The following ASCC2 variants were observed in gnomAD, a reference collection of about 807,000 sequenced individuals.
ASCC2 encodes ASC-1 complex subunit P100.
ASCC2 carries 42 observed loss-of-function variants against 93.5 expected under a neutral mutation model. The ratio of observed to expected loss-of-function variants is 0.45; its 90% CI spans 0.35 to 0.58. The LOEUF (loss-of-function observed/expected upper bound fraction) is 0.58. Ranked by LOEUF, ASCC2 falls within the 20% of genes least tolerant of loss-of-function variation. ASCC2 has a pLI of 0.00. For missense variants in ASCC2, 859 were observed against 977.6 expected (o/e 0.88, Z 1.62); for synonymous variants, 364 against 384.2 (o/e 0.95, Z 0.62).
intron 2 of ASCC2, among the ~76,000 whole-genome samples, chr22:29,827,873 AC>A (rs2062622172): frequency 1.5e-5 from 2 of 136,018 alleles, no homozygotes; most frequent in African/African-American, 5.7e-5. Flanking sequence ...ACACACACAC[AC>A]ACACACCAGG....
Position 29,806,800 on chromosome 22 carries a change from C to A in ASCC2, c.1013G>T (p.Ser338Ile), listed in dbSNP as rs968921711. The change falls in exon 10 of 20, where the codon AGC (serine) becomes ATC (isoleucine). Residue 338 changes from serine to isoleucine, a missense_variant. By Grantham distance (142) the Ser-to-Ile change is moderately radical (BLOSUM62 -2). Coordinates refer to ENST00000307790, the MANE Select transcript of ASCC2 (RefSeq NM_032204.5). ...NQICLLPILESSCDNIQGFIE... is the reference protein window; with the variant it reads ...NQICLLPILEISCDNIQGFIE... ...GAGGCAATTCGTGAGGGCTTACCTG[C>A]TTTCTAGGATGGGAAGGAGGCAGAT... is the stretch of plus-strand genomic sequence containing the variant. 7 of 1,610,200 alleles carry A rather than the reference C, an allele frequency of 4.3e-6. No individual in the cohort carries two copies. Among genetic ancestry groups the A allele is most frequent in the Non-Finnish European group, 6.0e-6 (7 of 1,176,410 alleles).
chr22:29,825,829 G>C lies in ASCC2; in HGVS notation c.82-49C>G. ...TAACGTGGCAGAGGTTAGTCAGCGA[G>C]GGCCCATTTGCCAACCCACAGCAAT... On this transcript the variant is annotated intron_variant, in intron 2 of 19. Coordinates refer to ENST00000307790, the MANE Select transcript of ASCC2 (RefSeq NM_032204.5). This position sits in a 1 kb window ranked among gnomAD's most constrained non-coding sequence, Gnocchi z 4.9. 4.5e-6 allele frequency: 7 copies of C among 1,559,052 alleles called. No individual in the cohort carries two copies. Among genetic ancestry groups the C allele is most frequent in the Non-Finnish European group, 6.1e-6 (7 of 1,150,468 alleles).
chr22:29,825,707 A>G lies in ASCC2; in HGVS notation c.155T>C (p.Val52Ala). The change falls in exon 3 of 20, where the codon GTG (valine) becomes GCG (alanine). Residue 52 changes from valine to alanine, a missense_variant. Val to Ala is a moderately conservative substitution (Grantham distance 64). Coordinates refer to ENST00000307790, the MANE Select transcript of ASCC2 (RefSeq NM_032204.5). This position sits in a 1 kb window ranked among gnomAD's most constrained non-coding sequence, Gnocchi z 4.9. ...PPPKDNIPAL[V>A]EEYLERATFV... ...GGTGGCGCGTTCCAGGTACTCCTCC[A>G]CTAGGGCGGGAATGTTGTCTTTAGG... The G allele has an allele frequency of 6.2e-7, 1 of 1,614,206 alleles. No homozygotes were observed. The highest frequency in any genetic ancestry group is 8.5e-7 in the Non-Finnish European group (1 of 1,180,022).
intron 12 of ASCC2, among the ~76,000 whole-genome samples, chr22:29,805,906 A>G (rs1178215945): frequency 6.6e-6 from 1 of 151,090 alleles, no homozygotes; most frequent in African/African-American, 2.4e-5. Context: ...ACTCTATCTA[A>G]CTGCCTGTTT....
intron 8 of ASCC2, among the ~76,000 whole-genome samples, chr22:29,811,102 A>G (rs1413100011): frequency 6.6e-6 from 1 of 152,230 alleles, no homozygotes; most frequent in African/African-American, 2.4e-5. Context: ...CTGGTATTCC[A>G]TACAGTGGAA....
chr22:29,818,199 C>T (rs949696927), intron 5 of ASCC2, among the ~76,000 whole-genome samples: 1 of 151,952 alleles, frequency 6.6e-6, no homozygotes, highest in Non-Finnish European at 1.5e-5. Context: ...TGTCAATCCT[C>T]TTACAAGTGA....
chr22:29,789,106 GC>G lies in ASCC2; in HGVS notation c.2180del (p.Arg727ProfsTer28). ...HGQSRETTQE[R>X]RKKEANKATR... ...TCGCCTTGTTGGCTTCCTTCTTCCT[GC>G]GTTCCTGGGTTGTCTCGCGGCTCTG... On this transcript the variant is annotated frameshift_variant, in exon 20 of 20. Coordinates refer to ENST00000307790, the MANE Select transcript of ASCC2 (RefSeq NM_032204.5). LOFTEE classifies it high-confidence loss of function. The G allele has an allele frequency of 6.2e-7, 1 of 1,614,134 alleles. No homozygotes were observed. Among genetic ancestry groups the G allele is most frequent in the Non-Finnish European group, 8.5e-7 (1 of 1,180,014 alleles).
At chr22:29,827,572 AT>A (rs1456759772) in intron 2 of ASCC2, 1 of 470,882 alleles carries the variant, frequency 2.1e-6, no homozygotes, top group African/African-American at 2.0e-5. Context: ...TTTAAATCAA[AT>A]TTGTATCATG....
At chr22:29,822,586 G>A (rs927510014) in intron 4 of ASCC2, 122 bp from the exon 5 acceptor site, 16 of 1,129,480 alleles carry the variant, frequency 1.4e-5, no homozygotes, top group Non-Finnish European at 2.0e-5. Context: ...GATGCCTTAT[G>A]CATAGACCTG....
chr22:29,800,243 C>A (rs910075009), intron 15 of ASCC2, among the ~76,000 whole-genome samples: 1 of 152,204 alleles, frequency 6.6e-6, no homozygotes, highest in African/African-American at 2.4e-5. Flanking sequence ...CTTTAGCTCT[C>A]GGTCCCATGT....
chr22:29,837,594 A>G (rs908449845), intron 1 of ASCC2, among the ~76,000 whole-genome samples: 21 of 152,170 alleles, frequency 1.4e-4, no homozygotes, highest in African/African-American at 5.1e-4. Flanking sequence ...CAAGCACCCA[A>G]TTGCAATATG....
At chr22:29,789,469 G>C (rs1324193370) in intron 19 of ASCC2, among the ~76,000 whole-genome samples, 2 of 152,244 alleles carry the variant, frequency 1.3e-5, no homozygotes, top group Admixed American at 1.3e-4. Flanking sequence ...CAGCCTACAG[G>C]AGACGGGGAG....
intron 2 of ASCC2, among the ~76,000 whole-genome samples, chr22:29,829,582 C>A (rs1041108854): frequency 3.9e-5 from 6 of 151,980 alleles, no homozygotes; most frequent in African/African-American, 1.2e-4. Flanking sequence ...TTAGCTGGTC[C>A]CAGCTACTCA....
chr22:29,837,420 A>G (rs1225511163), intron 1 of ASCC2, among the ~76,000 whole-genome samples: 2 of 148,908 alleles, frequency 1.3e-5, no homozygotes, highest in Admixed American at 1.3e-4. Context: ...GCGACAGAGC[A>G]AGACCCCGTC....
In ASCC2 at chr22:29,809,153, A is replaced by G. The variant is rs538007873; in HGVS notation, c.834-968T>C. On this transcript the variant is annotated intron_variant, in intron 8 of 19. Transcript: ENST00000307790. ...AAAAAAAAAAAAAATTTAACATGAA[A>G]ATCTCAACACAATATTTGTATTTGG... 1.1e-4 allele frequency among the ~76,000 whole-genome samples: 17 copies of G among 151,816 alleles called. No individual in the cohort carries two copies. The South Asian group carries it at 2.3e-3, about 20-fold the overall frequency.
intron 1 of ASCC2, among the ~76,000 whole-genome samples, 197 bp downstream of exon 1, chr22:29,837,980 TG>T (rs1568972354): frequency 6.6e-6 from 1 of 152,228 alleles, no homozygotes; most frequent in African/African-American, 2.4e-5. Flanking sequence ...AACGCCACTC[TG>T]GGGCCGAACT....
chr22:29,832,227 C>T lies in ASCC2; in HGVS notation c.81+18G>A. 6.2e-7 allele frequency: 1 copy of T among 1,601,954 alleles called. No homozygotes were observed. The highest frequency in any genetic ancestry group is 8.6e-7 in the Non-Finnish European group (1 of 1,169,316). ...GACTGACAATATCAGGCTGAATGGCCTTAAGTGACCGGCTCACCAGCGCTG... is the reference window on the plus strand; with the variant it reads ...GACTGACAATATCAGGCTGAATGGCTTTAAGTGACCGGCTCACCAGCGCTG... On this transcript the variant is annotated intron_variant, in intron 2 of 19. Transcript: ENST00000307790.
chr22:29,832,538 A>T (rs916549527), intron 1 of ASCC2, 196 bp from the exon 2 acceptor site: 1 of 464,438 alleles, frequency 2.2e-6, no homozygotes. Flanking sequence ...GCAGTTCTCA[A>T]TTGTAGAAGA....
intron 9 of ASCC2, 113 bp from the exon 10 acceptor site, chr22:29,807,017 T>A: frequency 1.3e-6 from 1 of 745,396 alleles, no homozygotes. Flanking sequence ...GGTGGGAGGA[T>A]CACTTGAGCC....
Sources: gnomAD v4.1 joint callset for allele counts (sites outside exome capture counted in the v4.1 genomes callset) on GRCh38, gnomAD v4.1.1 for gene constraint, Gnocchi (gnomAD v3.1) non-coding constraint, MANE v1.5 for transcripts, NCBI Gene and HGNC (gene_info 2026-07-23, HGNC 2026-07-21) for gene names.